MEF2C: variants seen among roughly 807,000 people sequenced by gnomAD.
MEF2C encodes the protein myocyte enhancer factor 2C.
A neutral mutation model predicts 50.5 loss-of-function variants in MEF2C; 6 were observed. The observed-to-expected ratio is 0.12, with a 90% CI of 0.07 to 0.23. The LOEUF is 0.23. MEF2C is among the 10% of genes least tolerant of loss of function. The probability of loss-of-function intolerance (pLI) is 1.00; values close to 1 mark genes in which losing one functional copy is unlikely to be tolerated. For missense variants in MEF2C, 276 were observed against 605.0 expected, an observed-to-expected ratio of 0.46 and a Z score of 5.70; for synonymous variants, 183 against 228.0, an observed-to-expected ratio of 0.80 and a Z score of 1.78.
intron 1 of MEF2C, among the ~76,000 whole-genome samples, chr5:88,829,027 C>A (rs1812011641): frequency 6.6e-6 from 1 of 151,988 alleles, no homozygotes; most frequent in South Asian, 2.1e-4. Flanking sequence ...AACAGCTATT[C>A]TTTTCCACTA....
upstream of MEF2C, chr5:88,887,321 T>C (rs1037710525): frequency 2.0e-5 from 3 of 152,230 alleles, no homozygotes; most frequent in African/African-American, 7.2e-5. Flanking sequence ...CCCTGAAAGA[T>C]GACATGATCT....
Position 88,738,047 on chromosome 5 carries a change from G to A in MEF2C, c.638-6146C>T, listed in dbSNP as rs530172716. On this transcript the variant is annotated intron_variant, in intron 6 of 10. Transcript: ENST00000504921. The stretch of plus-strand genomic sequence containing the variant: ...AGAAATGATGTCTGAATGAGGCAGC[G>A]CAGAGAGAAAGGTTTACAGGCATCC... 43 of 985,272 alleles carry A rather than the reference G, an allele frequency of 4.4e-5. No homozygotes were observed. In the African/African-American group the frequency reaches 5.8e-4, roughly 13 times the overall value. 61.0% of individuals were successfully genotyped at this position (985,272 alleles called of 1,614,324 possible).
At chr5:88,786,716 T>C (rs1791084709) in intron 3 of MEF2C, among the ~76,000 whole-genome samples, 1 of 152,222 alleles carries the variant, frequency 6.6e-6, no homozygotes, top group African/African-American at 2.4e-5. Flanking sequence ...TATATACATA[T>C]ATGCATTTAA....
intron 6 of MEF2C, among the ~76,000 whole-genome samples, chr5:88,747,295 A>C (rs1770176643): frequency 6.9e-6 from 1 of 144,768 alleles, no homozygotes; most frequent in African/African-American, 2.6e-5. Context: ...AAAGCTGAGT[A>C]GGCCATGTTT....
chr5:88,899,428 A>C (rs1257514759), intron 1 of MEF2C, among the ~76,000 whole-genome samples: 1 of 152,148 alleles, frequency 6.6e-6, no homozygotes, highest in Non-Finnish European at 1.5e-5. Context: ...GGATAACTAA[A>C]ACTTACTTTC....
chr5:88,734,852 A>G, intron 6 of MEF2C: 2 of 972,962 alleles, frequency 2.1e-6, no homozygotes, highest in African/African-American at 1.8e-5. Context: ...GTGTTTACAT[A>G]CTGAAATGTA....
At chr5:88,752,880 A>G (rs1165691146) in intron 4 of MEF2C, 3 of 493,040 alleles carry the variant, frequency 6.1e-6, no homozygotes, top group Admixed American at 6.4e-5. Flanking sequence ...AATTGTAGCT[A>G]CTTTTTTTTA....
chr5:88,839,934 TG>T (rs1046963641), intron 1 of MEF2C, among the ~76,000 whole-genome samples: 13 of 152,134 alleles, frequency 8.5e-5, no homozygotes, highest in African/African-American at 3.1e-4. Context: ...TTTATGAAAA[TG>T]ATAAATTTTG....
At chr5:88,769,573 G>C (rs1443257963) in intron 3 of MEF2C, among the ~76,000 whole-genome samples, 4 of 152,158 alleles carry the variant, frequency 2.6e-5, no homozygotes, top group Admixed American at 6.5e-5. Flanking sequence ...ACTAAAGAGA[G>C]AACATTTAAT....
chr5:88,875,226 C>A (rs1215730670), intron 1 of MEF2C, among the ~76,000 whole-genome samples: 1 of 151,988 alleles, frequency 6.6e-6, no homozygotes, highest in East Asian at 1.9e-4. Context: ...AGAACTTACA[C>A]TGTACCTTTC....
At chr5:88,784,403 T>A (rs1279232915) in intron 3 of MEF2C, among the ~76,000 whole-genome samples, 3 of 152,216 alleles carry the variant, frequency 2.0e-5, no homozygotes, top group Non-Finnish European at 4.4e-5. Flanking sequence ...CTTGAGCCAA[T>A]ATTGATAAAT....
At chr5:88,738,866 G>A in intron 6 of MEF2C, 1 of 985,258 alleles carries the variant, frequency 1.0e-6, no homozygotes, top group African/African-American at 1.7e-5. Context: ...CATATTTCTG[G>A]TCTCTTTCTG....
intron 1 of MEF2C, among the ~76,000 whole-genome samples, chr5:88,900,464 T>C (rs529042642): frequency 4.0e-5 from 6 of 151,866 alleles, no homozygotes; most frequent in Non-Finnish European, 7.4e-5. Context: ...ATCTTCTAAA[T>C]ATATGTATTA....
chr5:88,727,131 G>A (rs1759200281), intron 10 of MEF2C, among the ~76,000 whole-genome samples: 1 of 152,064 alleles, frequency 6.6e-6, no homozygotes, highest in African/African-American at 2.4e-5. Context: ...TATGTGCTTG[G>A]TGATAATTAC....
At chr5:88,751,335 T>G in intron 5 of MEF2C, 2 of 985,478 alleles carry the variant, frequency 2.0e-6, no homozygotes, top group Non-Finnish European at 2.4e-6. Context: ...TTTGTTTTTA[T>G]TTCACATGTC....
intron 2 of MEF2C, among the ~76,000 whole-genome samples, chr5:88,815,832 CG>C (rs1562194278): frequency 6.6e-6 from 1 of 151,758 alleles, no homozygotes; most frequent in African/African-American, 2.4e-5. Context: ...AGAAACTTCT[CG>C]GTGTATGTAG....
chr5:88,887,576 A>C (rs1408129818), upstream of MEF2C: 6 of 152,224 alleles, frequency 3.9e-5, no homozygotes, highest in Non-Finnish European at 5.9e-5. Flanking sequence ...GTTACTTCAC[A>C]GTTTGCAACT....
intron 4 of MEF2C, among the ~76,000 whole-genome samples, chr5:88,752,436 G>C (rs1331423138): frequency 6.6e-6 from 1 of 152,208 alleles, no homozygotes; most frequent in African/African-American, 2.4e-5. Context: ...GCAAACCGAA[G>C]CCTTTGATTT....
intron 1 of MEF2C, among the ~76,000 whole-genome samples, chr5:88,836,170 T>C (rs1200907135): frequency 6.6e-6 from 1 of 152,152 alleles, no homozygotes; most frequent in Non-Finnish European, 1.5e-5. Flanking sequence ...ATCAATCAAA[T>C]GCCCTACAAA....
Sources: gnomAD v4.1 joint callset for allele counts (sites outside exome capture counted in the v4.1 genomes callset) on GRCh38, gnomAD v4.1.1 for gene constraint, MANE v1.5 for transcripts, NCBI Gene and HGNC (gene_info 2026-07-23, HGNC 2026-07-21) for gene names.